The following PDE9A variants were observed in gnomAD, a reference collection of about 807,000 sequenced individuals.
PDE9A encodes the protein phosphodiesterase 9A, also known as high affinity cGMP-specific 3',5'-cyclic phosphodiesterase 9A.
Under a neutral mutation model 87.4 loss-of-function variants are expected in PDE9A, and 60 were observed. The ratio of observed to expected loss-of-function variants is 0.69; its 90% CI spans 0.56 to 0.85. The LOEUF (loss-of-function observed/expected upper bound fraction) is 0.85, where lower values mean the gene tolerates loss of function less well. PDE9A is among the 40% of genes least tolerant of loss of function. PDE9A has a pLI of 0.00. For missense variants in PDE9A, 665 were observed against 779.0 expected, an observed-to-expected ratio of 0.85 and a Z score of 1.74; for synonymous variants, 272 against 279.4, an observed-to-expected ratio of 0.97 and a Z score of 0.27.
chr21:42,771,639 G>T (rs2057034198), intron 18 of PDE9A, among the ~76,000 whole-genome samples: 1 of 152,206 alleles, frequency 6.6e-6, no homozygotes, highest in Admixed American at 6.5e-5. Context: ...TTCTGCCTGG[G>T]CGCTCCTGAA....
rs2050633986 is a variant in PDE9A at position 42,722,491 on chromosome 21, C to T, written c.263-9279C>T. ...ATGGATCGTGCATGAGCTCCCAGGC[C>T]ACACACACACGCCCTTGTGATGTAT... On this transcript the variant is annotated intron_variant, in intron 4 of 19. Coordinates refer to ENST00000291539, the MANE Select transcript of PDE9A (RefSeq NM_002606.3). This position sits in a 1 kb window ranked among gnomAD's most constrained non-coding sequence, Gnocchi z 4.1. 1.3e-5 allele frequency among the ~76,000 whole-genome samples: 2 copies of T among 152,100 alleles called. No individual in the cohort carries two copies. The highest frequency in any genetic ancestry group is 1.5e-5 in the Non-Finnish European group (1 of 68,006).
chr21:42,715,111 C>T (rs118098657), intron 4 of PDE9A, among the ~76,000 whole-genome samples: 115 of 150,466 alleles, frequency 7.6e-4, no homozygotes, highest in Non-Finnish European at 1.3e-3. Flanking sequence ...CATTTTATTC[C>T]TTCTGCTGAC....
At chr21:42,683,584 G>A (rs536522537) in intron 1 of PDE9A, among the ~76,000 whole-genome samples, 7 of 152,312 alleles carry the variant, frequency 4.6e-5, no homozygotes, top group Admixed American at 2.6e-4. Context: ...CTGGCCTCAC[G>A]ACCTGGCCCC....
At position 42,722,540 on chromosome 21, in the gene PDE9A, G is replaced by A. The variant is rs886106934; in HGVS notation, c.263-9230G>A. On this transcript the variant is annotated intron_variant, in intron 4 of 19. Coordinates refer to ENST00000291539, the MANE Select transcript of PDE9A (RefSeq NM_002606.3). The surrounding 1 kb of genome is among the most constrained non-coding windows in gnomAD (Gnocchi z 4.1). ...ATTATTCCCTCTACTCTTGCAGGTC[G>A]GTGCTTGGGATGCTAGTGCCCAAGC... Among the ~76,000 whole-genome samples, 2 of 152,122 alleles carry A rather than the reference G, an allele frequency of 1.3e-5. No homozygotes were observed. Among genetic ancestry groups the A allele is most frequent in the African/African-American group, 2.4e-5 (1 of 41,414 alleles).
chr21:42,699,070 C>T, intron 4 of PDE9A, 59 bp downstream of exon 4: 2 of 1,150,176 alleles, frequency 1.7e-6, no homozygotes, highest in Non-Finnish European at 2.6e-6. Flanking sequence ...TTGAGCTTGC[C>T]CCTGTGATAA....
intron 7 of PDE9A, among the ~76,000 whole-genome samples, chr21:42,736,815 C>A (rs1339042651): frequency 3.3e-5 from 5 of 152,332 alleles, no homozygotes; most frequent in East Asian, 1.9e-4. Context: ...AGGCTGTCCT[C>A]CTCCTGAACT....
chr21:42,742,771 GTCT>G (rs1322621173), intron 7 of PDE9A, among the ~76,000 whole-genome samples: 5 of 151,958 alleles, frequency 3.3e-5, no homozygotes, highest in Non-Finnish European at 7.4e-5. Flanking sequence ...GGCTGCAGCT[GTCT>G]TCTTGCACTG....
intron 19 of PDE9A, among the ~76,000 whole-genome samples, chr21:42,773,537 G>T (rs530833995): frequency 3.6e-4 from 55 of 152,334 alleles, no homozygotes; most frequent in Non-Finnish European, 4.4e-5. Context: ...GCCAGGCACG[G>T]TGGCTCACGC....
At chr21:42,682,051 G>A (rs1834712867) in intron 1 of PDE9A, among the ~76,000 whole-genome samples, 1 of 152,220 alleles carries the variant, frequency 6.6e-6, no homozygotes, top group African/African-American at 2.4e-5. Flanking sequence ...CCCATCCCTA[G>A]GGCTCACGCC....
At position 42,696,970 on chromosome 21, in the gene PDE9A, A is replaced by G. The variant is rs2060175412; in HGVS notation, c.219-1998A>G. ...CTCTTATGACCAAGTCTCTGGGGAGAAATGAGCCCTCCAGTGCCAAATGAC... is the reference window on the plus strand; with the variant it reads ...CTCTTATGACCAAGTCTCTGGGGAGGAATGAGCCCTCCAGTGCCAAATGAC... On this transcript the variant is annotated intron_variant, in intron 3 of 19. Coordinates refer to ENST00000291539, the MANE Select transcript of PDE9A (RefSeq NM_002606.3). This position sits in a 1 kb window ranked among gnomAD's most constrained non-coding sequence, Gnocchi z 5.1. Among the ~76,000 whole-genome samples the G allele has an allele frequency of 6.6e-6, 1 of 151,988 alleles. No individual in the cohort carries two copies. Among genetic ancestry groups the G allele is most frequent in the Admixed American group, 6.5e-5 (1 of 15,278 alleles).
intron 7 of PDE9A, among the ~76,000 whole-genome samples, chr21:42,736,252 C>G (rs1464059067): frequency 6.6e-6 from 1 of 152,184 alleles, no homozygotes; most frequent in Non-Finnish European, 1.5e-5. Flanking sequence ...TCGCCCACAA[C>G]AAGATGAATA....
At chr21:42,733,455 T>G in intron 7 of PDE9A, 29 bp downstream of exon 7, 1 of 1,364,222 alleles carries the variant, frequency 7.3e-7, no homozygotes, top group South Asian at 1.2e-5. Flanking sequence ...TCCTTTTTGC[T>G]TCTCTGTCCT....
chr21:42,745,939 G>A (rs1007452747), intron 8 of PDE9A, among the ~76,000 whole-genome samples: 1 of 152,242 alleles, frequency 6.6e-6, no homozygotes, highest in Non-Finnish European at 1.5e-5. Flanking sequence ...CCCAAGGGGT[G>A]TGTCTGGAGC....
chr21:42,758,959 A>G (rs1261289894), intron 10 of PDE9A, 40 bp from the exon 11 acceptor site: 2 of 1,510,098 alleles, frequency 1.3e-6, no homozygotes, highest in South Asian at 2.3e-5. Context: ...GGAGCCGGCC[A>G]CACAACTGCC....
At chr21:42,770,597 C>A in intron 17 of PDE9A, 106 bp from the exon 18 acceptor site, 3 of 786,548 alleles carry the variant, frequency 3.8e-6, no homozygotes, top group Non-Finnish European at 6.5e-6. Flanking sequence ...GGAGCTGGGA[C>A]TGGCCCAGAG....
At chr21:42,726,503 C>T (rs1045722071) in intron 4 of PDE9A, among the ~76,000 whole-genome samples, 1 of 148,186 alleles carries the variant, frequency 6.7e-6, no homozygotes, top group Non-Finnish European at 1.5e-5. Context: ...GGTCAAGGCT[C>T]TTTTTCTTGT....
In PDE9A at chr21:42,772,332, C is replaced by A. The variant is rs1185272088; in HGVS notation, c.1687-107C>A. ...GCTCAGAGGGGCTGGGGACCACAGG[C>A]TTTCACGTTGCAGCACCTCCAGGCA... On this transcript the variant is annotated intron_variant, in intron 18 of 19. Transcript: ENST00000291539. 1.3e-5 allele frequency: 9 copies of A among 710,996 alleles called. No individual in the cohort carries two copies. In the East Asian group the frequency reaches 2.2e-4, roughly 17 times the overall value. The allele number at this position is 710,996 out of a possible 1,614,324, so 44.0% of individuals were successfully genotyped here.
intron 2 of PDE9A, among the ~76,000 whole-genome samples, chr21:42,687,487 C>T (rs2059541347): frequency 6.6e-6 from 1 of 152,188 alleles, no homozygotes; most frequent in South Asian, 2.1e-4. Context: ...TGGAGGAAGA[C>T]TCATCCTAAG....
rs2052916913 is a variant in PDE9A, at chr21:42,739,869, C to T, written c.569-3907C>T. ...AATGTGATCTGAACTGACATGAAGC[C>T]CTTGGTATTTATTTATCCTGCTCAG... On this transcript the variant is annotated intron_variant, in intron 7 of 19. Coordinates refer to ENST00000291539, the MANE Select transcript of PDE9A (RefSeq NM_002606.3). This position sits in a 1 kb window ranked among gnomAD's most constrained non-coding sequence, Gnocchi z 4.1. 6.6e-6 allele frequency among the ~76,000 whole-genome samples: 1 copy of T among 151,890 alleles called. No individual in the cohort carries two copies. Among genetic ancestry groups the T allele is most frequent in the South Asian group, 2.1e-4 (1 of 4,824 alleles).
Sources: gnomAD v4.1 joint callset for allele counts (sites outside exome capture counted in the v4.1 genomes callset) on GRCh38, gnomAD v4.1.1 for gene constraint, Gnocchi (gnomAD v3.1) non-coding constraint, MANE v1.5 for transcripts, NCBI Gene and HGNC (gene_info 2026-07-23, HGNC 2026-07-21) for gene names.